The following TRAP1 variants were observed in gnomAD, a reference collection of about 807,000 sequenced individuals.
TRAP1 encodes the protein heat shock protein 75 kDa, mitochondrial.
A neutral mutation model predicts 89.1 loss-of-function variants in TRAP1; 102 were observed. That is an observed-to-expected ratio of 1.15 (90% CI 0.98 to 1.35). TRAP1 has a LOEUF of 1.35. Ranked by LOEUF, TRAP1 falls within the 40% of genes most tolerant of loss-of-function variation. TRAP1 has a pLI of 0.00. For missense variants in TRAP1, 1,256 were observed against 945.3 expected, an observed-to-expected ratio of 1.33 and a Z score of -4.31; for synonymous variants, 508 against 388.0, an observed-to-expected ratio of 1.31 and a Z score of -3.64.
intron 2 of TRAP1, among the ~76,000 whole-genome samples, chr16:3,690,519 G>T (rs1454413934): frequency 6.6e-6 from 1 of 152,098 alleles, no homozygotes; most frequent in Non-Finnish European, 1.5e-5. Context: ...GCGCAGACTG[G>T]GCCAATGCTG....
chr16:3,670,342 C>T (rs1221962680), intron 11 of TRAP1, among the ~76,000 whole-genome samples: 2 of 136,282 alleles, frequency 1.5e-5, no homozygotes, highest in African/African-American at 5.7e-5. Flanking sequence ...GAGACTGCGC[C>T]ACTGCACTCC....
At chr16:3,713,705 C>T (rs1247778893) in intron 1 of TRAP1, among the ~76,000 whole-genome samples, 1 of 152,232 alleles carries the variant, frequency 6.6e-6, no homozygotes, top group Non-Finnish European at 1.5e-5. Context: ...ACCTGCCTGA[C>T]CACAGAATCA....
chr16:3,687,200 G>A (rs966411918), intron 3 of TRAP1: 1 of 152,140 alleles, frequency 6.6e-6, no homozygotes, highest in Non-Finnish European at 1.5e-5. Context: ...GTGGTAGTGA[G>A]TAAGTCTCAT....
In TRAP1 at chr16:3,658,779, GCTGCTGCACTCA is replaced by G; in HGVS notation, c.2013+2_2013+13del. ...GCCTGGGTCCCTGCAGTCATCCTAA[GCTGCTGCACTCA>G]CCTGATCCACCAGCAGCTGAGCCAG... On this transcript the variant is annotated splice_donor_variant and splice_donor_5th_base_variant and intron_variant, in intron 17 of 17. Transcript: ENST00000246957. LOFTEE classifies it high-confidence loss of function. 1 of 1,612,186 alleles carries G rather than the reference GCTGCTGCACTCA, an allele frequency of 6.2e-7. No homozygotes were observed. The highest frequency in any genetic ancestry group is 2.2e-5 in the East Asian group (1 of 44,850).
At chr16:3,673,690 C>G (rs2050946913) in intron 9 of TRAP1, among the ~76,000 whole-genome samples, 1 of 152,212 alleles carries the variant, frequency 6.6e-6, no homozygotes, top group Admixed American at 6.5e-5. Context: ...TGGATGCCAG[C>G]TGTGCAGGAC....
At position 3,664,215 on chromosome 16, in the gene TRAP1, G is replaced by A; in HGVS notation, c.1569+59C>T. On this transcript the variant is annotated intron_variant, in intron 13 of 17. Coordinates refer to ENST00000246957, the MANE Select transcript of TRAP1 (RefSeq NM_016292.3). ...GGTTCACCCAGCACAGAGCTGAGAA[G>A]GTCAAGACCCTCCCCAGGTTGCAGC... 4 of 1,469,402 alleles carry A rather than the reference G, an allele frequency of 2.7e-6. 1 individual carries two copies. Among genetic ancestry groups the A allele is most frequent in the African/African-American group, 2.8e-5 (2 of 70,504 alleles). 91.0% of individuals were successfully genotyped at this position (1,469,402 alleles called of 1,614,324 possible).
rs1042063359 is a variant in TRAP1 at position 3,697,849 on chromosome 16, C to T, written c.89-6864G>A. On this transcript the variant is annotated intron_variant, in intron 1 of 17. Transcript: ENST00000246957. The stretch of plus-strand genomic sequence containing the variant: ...GTTGCCCAGAGCTGGAGTGAAATGG[C>T]GTGATCTCGGCTCACTGCAACCTCT... 7.3e-5 allele frequency among the ~76,000 whole-genome samples: 11 copies of T among 150,860 alleles called. No homozygotes were observed. The South Asian group carries it at 8.4e-4, about 12-fold the overall frequency.
chr16:3,701,509 C>T (rs1374403052), intron 1 of TRAP1, among the ~76,000 whole-genome samples: 3 of 151,008 alleles, frequency 2.0e-5, no homozygotes, highest in Admixed American at 6.6e-5. Context: ...TGAGATCGCG[C>T]CCCTGCACTC....
At chr16:3,664,774 T>G in intron 12 of TRAP1, 2 of 308,950 alleles carry the variant, frequency 6.5e-6, no homozygotes, top group Non-Finnish European at 1.2e-5. Flanking sequence ...ACCCAGCGTC[T>G]TCCCTCTGCC....
At chr16:3,699,515 A>G (rs1284278205) in intron 1 of TRAP1, among the ~76,000 whole-genome samples, 2 of 151,314 alleles carry the variant, frequency 1.3e-5, no homozygotes, top group African/African-American at 2.4e-5. Flanking sequence ...AATCCCCGCT[A>G]CTCGGGAGGC....
At chr16:3,679,191 T>C (rs2051041435) in intron 5 of TRAP1, among the ~76,000 whole-genome samples, 1 of 152,044 alleles carries the variant, frequency 6.6e-6, no homozygotes. Flanking sequence ...CTTGGGAGGC[T>C]GAGGCAGGAG....
rs2050990131 is a variant in TRAP1 at position 3,676,140 on chromosome 16, C to G, written c.710G>C (p.Gly237Ala). 1 of 1,613,512 alleles carries G rather than the reference C, an allele frequency of 6.2e-7. No homozygotes were observed. Among genetic ancestry groups the G allele is most frequent in the African/African-American group, 1.3e-5 (1 of 75,038 alleles). Reference sequence around the variant, plus strand: ...CGAAGCTTCGGCGATTTCAAACACTCCAGAACTAAGGCAGGCAAAGAAAGG... The same window carrying G: ...CGAAGCTTCGGCGATTTCAAACACTGCAGAACTAAGGCAGGCAAAGAAAGG... ...LGYQWLSDGS[G>A]VFEIAEASGV... is the part of the protein sequence containing the mutation. Residue 237 changes from glycine (G) to alanine (A), a missense_variant, in exon 7 of 18, where the codon GGA becomes GCA. Physicochemically the swap from Gly to Ala is moderately conservative, Grantham distance 60. Coordinates refer to ENST00000246957, the MANE Select transcript of TRAP1 (RefSeq NM_016292.3).
chr16:3,673,253 G>A (rs1379601497), intron 9 of TRAP1, among the ~76,000 whole-genome samples: 1 of 152,242 alleles, frequency 6.6e-6, no homozygotes, highest in East Asian at 1.9e-4. Context: ...GAGACGTGAA[G>A]ATGAAACTCA....
At chr16:3,702,574 C>A (rs549667976) in intron 1 of TRAP1, among the ~76,000 whole-genome samples, 1 of 151,592 alleles carries the variant, frequency 6.6e-6, no homozygotes, top group East Asian at 1.9e-4. Flanking sequence ...GAAACCCCGT[C>A]CCTACCAAAA....
chr16:3,717,362 G>T, intron 1 of TRAP1, 59 bp downstream of exon 1: 1 of 674,954 alleles, frequency 1.5e-6, no homozygotes, highest in Non-Finnish European at 2.1e-6. Context: ...GCACAGGGAC[G>T]TCCCTGCCGT....
intron 1 of TRAP1, among the ~76,000 whole-genome samples, chr16:3,701,744 G>C (rs2151278207): frequency 6.6e-6 from 1 of 152,206 alleles, no homozygotes; most frequent in Non-Finnish European, 1.5e-5. Flanking sequence ...ATGTACATCT[G>C]CACTTACTAC....
chr16:3,695,369 TCAAAAAA>T (rs1456958122), intron 1 of TRAP1, among the ~76,000 whole-genome samples: 2 of 151,364 alleles, frequency 1.3e-5, no homozygotes, highest in African/African-American at 2.4e-5. Context: ...TTTCTCATAC[TCAAAAAA>T]CAAACCATTA....
chr16:3,667,820 G>A (rs1161953150), intron 11 of TRAP1, among the ~76,000 whole-genome samples: 1 of 148,262 alleles, frequency 6.7e-6, no homozygotes, highest in Non-Finnish European at 1.5e-5. Context: ...GTGCAGTGGC[G>A]TGATCTCGGC....
chr16:3,679,548 C>T (rs1049237217), intron 5 of TRAP1, among the ~76,000 whole-genome samples, 171 bp downstream of exon 5: 12 of 152,082 alleles, frequency 7.9e-5, no homozygotes, highest in Admixed American at 7.2e-4. Context: ...AGGGACCAAC[C>T]CCCAGATACT....
Sources: gnomAD v4.1 joint callset for allele counts (sites outside exome capture counted in the v4.1 genomes callset) on GRCh38, gnomAD v4.1.1 for gene constraint, MANE v1.5 for transcripts, NCBI Gene and HGNC (gene_info 2026-07-23, HGNC 2026-07-21) for gene names.